Variants in AMHR2 observed in about 807,000 individuals in gnomAD.
The protein encoded by AMHR2 is anti-Muellerian hormone type-2 receptor.
A neutral mutation model predicts 61.4 loss-of-function variants in AMHR2; 36 were observed. The ratio of observed to expected loss-of-function variants is 0.59; its 90% CI spans 0.45 to 0.77. The LOEUF (loss-of-function observed/expected upper bound fraction) is 0.77, where lower values mean the gene tolerates loss of function less well. Ranked by LOEUF, AMHR2 falls within the 30% of genes least tolerant of loss-of-function variation. The pLI is 0.00. For synonymous variants in AMHR2, 258 were observed against 279.4 expected, an observed-to-expected ratio of 0.92 and a Z score of 0.76; for missense variants, 638 against 714.6, an observed-to-expected ratio of 0.89 and a Z score of 1.22.
chr12:53,427,350 T>C (rs983697087), intron 6 of AMHR2, among the ~76,000 whole-genome samples: 1 of 152,254 alleles, frequency 6.6e-6, no homozygotes, highest in Admixed American at 6.5e-5. Context: ...TAAGTTTTCA[T>C]ACCATTTCCC....
At chr12:53,428,855 C>T in intron 6 of AMHR2, 41 bp from the exon 7 acceptor site, 1 of 1,458,012 alleles carries the variant, frequency 6.9e-7, no homozygotes, top group Non-Finnish European at 9.4e-7. Flanking sequence ...TCAGCCGTCT[C>T]CAGCTTTGTG....
chr12:53,425,274 C>A, intron 4 of AMHR2, 32 bp downstream of exon 4: 1 of 1,611,806 alleles, frequency 6.2e-7, no homozygotes, highest in Non-Finnish European at 8.5e-7. Context: ...CCCTTGTGAC[C>A]CCAAGACATT....
At chr12:53,431,056 C>T in intron 10 of AMHR2, 121 bp from the exon 11 acceptor site, 1 of 1,276,820 alleles carries the variant, frequency 7.8e-7, no homozygotes, top group Non-Finnish European at 1.1e-6. Context: ...GAGGGAGGCT[C>T]CAGGAAAGAT....
intron 8 of AMHR2, 51 bp from the exon 9 acceptor site, chr12:53,429,780 A>G (rs757934652): frequency 1.2e-6 from 2 of 1,613,352 alleles, no homozygotes; most frequent in East Asian, 2.2e-5. Flanking sequence ...CATTGCTGCA[A>G]TGAGGATTGC....
chr12:53,425,737 G>A lies in AMHR2; in HGVS notation c.670G>A (p.Gly224Arg). ...AGTGGTTTGGGCCGGGCAGCTGCAAGGAAAACTGGTTGCCATCAAGGCCTT... is the reference window on the plus strand; with the variant it reads ...AGTGGTTTGGGCCGGGCAGCTGCAAAGAAAACTGGTTGCCATCAAGGCCTT... ...HAVVWAGQLQ[G>R]KLVAIKAFPP... is the part of the protein sequence containing the mutation. Residue 224 changes from glycine to arginine, a missense_variant, in exon 6 of 11, where the codon GGA becomes AGA. Coordinates refer to ENST00000257863, the MANE Select transcript of AMHR2 (RefSeq NM_020547.3). 1 of 1,614,200 alleles carries A rather than the reference G, an allele frequency of 6.2e-7. No individual in the cohort carries two copies. Among genetic ancestry groups the A allele is most frequent in the Non-Finnish European group, 8.5e-7 (1 of 1,180,024 alleles).
chr12:53,429,550 C>T lies in AMHR2; in HGVS notation c.1065C>T (p.Ala355=). ...GTGCCATTGGAGACCTGGGCCTTGCCTTGGTGCTCCCTGGCCTCACTCAGC... is the reference window on the plus strand; with the variant it reads ...GTGCCATTGGAGACCTGGGCCTTGCTTTGGTGCTCCCTGGCCTCACTCAGC... ...GSCAIGDLGL[A]LVLPGLTQPP... is the part of the protein sequence containing the mutation. The change falls in exon 8 of 11, where the codon GCC becomes GCT. Residue 355 remains alanine, a synonymous_variant. Transcript: ENST00000257863. 3 of 1,613,946 alleles carry T rather than the reference C, an allele frequency of 1.9e-6. No individual in the cohort carries two copies. Among genetic ancestry groups the T allele is most frequent in the Non-Finnish European group, 2.5e-6 (3 of 1,180,006 alleles).
intron 6 of AMHR2, among the ~76,000 whole-genome samples, 191 bp downstream of exon 6, chr12:53,426,110 C>T (rs1939558083): frequency 6.6e-6 from 1 of 152,106 alleles, no homozygotes; most frequent in Non-Finnish European, 1.5e-5. Flanking sequence ...GTGGGTGGAT[C>T]GCTTAAGCCC....
chr12:53,424,522 T>C, intron 2 of AMHR2, 52 bp downstream of exon 2: 2 of 1,592,912 alleles, frequency 1.3e-6, no homozygotes, highest in East Asian at 2.2e-5. Context: ...GACAGACACA[T>C]CCTGGGGTGT....
Position 53,423,859 on chromosome 12 carries a change from C to A in AMHR2, c.-76C>A. 6.5e-7 allele frequency: 1 copy of A among 1,530,812 alleles called. No individual in the cohort carries two copies. The highest frequency in any genetic ancestry group is 1.1e-5 in the South Asian group (1 of 88,530). The allele number at this position is 1,530,812 out of a possible 1,614,324, so 94.8% of individuals were successfully genotyped here. On this transcript the variant is annotated 5_prime_UTR_variant, in exon 1 of 11. The change creates a new upstream start codon in the 5' untranslated region. Coordinates refer to ENST00000257863, the MANE Select transcript of AMHR2 (RefSeq NM_020547.3). ...TCAGAAGCCCCAGGATGCCCTGTAT[C>A]TGAAGAAAGATTTGGCCAGGGGCAG... is the stretch of plus-strand genomic sequence containing the variant.
intron 5 of AMHR2, 46 bp from the exon 6 acceptor site, chr12:53,425,643 C>T (rs1219388971): frequency 6.2e-7 from 1 of 1,612,744 alleles, no homozygotes; most frequent in East Asian, 2.2e-5. Flanking sequence ...GAATCCTGGC[C>T]CTGTTATAGC....
chr12:53,430,534 G>A, intron 10 of AMHR2: 2 of 586,058 alleles, frequency 3.4e-6, no homozygotes, highest in Non-Finnish European at 6.1e-6. Flanking sequence ...TGCCCAGCCT[G>A]TCTCTCCTCT....
chr12:53,425,679 T>C lies in AMHR2; in HGVS notation c.622-10T>C, dbSNP rs767707614. ...TCAGAGGCCCACACTCAGCACAGTGTCCCCAGCAGGTAATCCGGGAAGGAG... is the reference window on the plus strand; with the variant it reads ...TCAGAGGCCCACACTCAGCACAGTGCCCCCAGCAGGTAATCCGGGAAGGAG... On this transcript the variant is annotated splice_polypyrimidine_tract_variant and intron_variant, in intron 5 of 10. Transcript: ENST00000257863. The C allele has an allele frequency of 6.2e-7, 1 of 1,613,926 alleles. No homozygotes were observed. Among genetic ancestry groups the C allele is most frequent in the Non-Finnish European group, 8.5e-7 (1 of 1,179,948 alleles).
In AMHR2 at chr12:53,431,664, C is replaced by T. The variant is rs898234954; in HGVS notation, c.*191C>T. On this transcript the variant is annotated 3_prime_UTR_variant, in exon 11 of 11. Coordinates refer to ENST00000257863, the MANE Select transcript of AMHR2 (RefSeq NM_020547.3). Reference sequence around the variant, plus strand: ...CAGGAAAGAGAATAAAGTCAGCTTTCCTGATGCATATCCTTGGTCCTTCCT... The same window carrying T: ...CAGGAAAGAGAATAAAGTCAGCTTTTCTGATGCATATCCTTGGTCCTTCCT... 4.4e-6 allele frequency: 3 copies of T among 686,080 alleles called. No homozygotes were observed. The allele number at this position is 686,080 out of a possible 1,614,324, so 42.5% of individuals were successfully genotyped here. A position where few individuals can be genotyped will look rare whatever the true frequency, so the allele number is the denominator to read the frequency against.
chr12:53,426,828 G>A (rs965826527), intron 6 of AMHR2, among the ~76,000 whole-genome samples: 6 of 151,628 alleles, frequency 4.0e-5, no homozygotes, highest in East Asian at 1.9e-4. Flanking sequence ...GATTACAGGC[G>A]CTTGCCACCA....
chr12:53,424,223 C>T (rs1939324390), intron 1 of AMHR2, 65 bp from the exon 2 acceptor site: 2 of 1,595,748 alleles, frequency 1.3e-6, no homozygotes, highest in Non-Finnish European at 8.6e-7. Flanking sequence ...ATTCTTTTGG[C>T]CAGTTTTTTG....
intron 6 of AMHR2, among the ~76,000 whole-genome samples, chr12:53,426,663 C>T (rs1380563690): frequency 6.6e-6 from 1 of 151,574 alleles, no homozygotes; most frequent in Admixed American, 6.6e-5. Context: ...ATTACATAAA[C>T]AATACATGTT....
chr12:53,427,682 C>T (rs1394620070), intron 6 of AMHR2, among the ~76,000 whole-genome samples: 2 of 152,172 alleles, frequency 1.3e-5, no homozygotes, highest in Non-Finnish European at 2.9e-5. Context: ...GAATTACAGG[C>T]GTGAGCCACC....
Position 53,424,483 on chromosome 12 carries a change from G to C in AMHR2, c.232+13G>C, listed in dbSNP as rs757030173. The C allele has an allele frequency of 6.2e-7, 1 of 1,611,158 alleles. No individual in the cohort carries two copies. The highest frequency in any genetic ancestry group is 1.1e-5 in the South Asian group (1 of 90,658). On this transcript the variant is annotated intron_variant, in intron 2 of 10. Coordinates refer to ENST00000257863, the MANE Select transcript of AMHR2 (RefSeq NM_020547.3). ...GTGGAAATGCAAGGTGAATGGCAAA[G>C]TATATGGCAGGTGATGGCTAGGGTG...
intron 6 of AMHR2, among the ~76,000 whole-genome samples, chr12:53,428,333 C>T (rs1939797593): frequency 6.6e-6 from 1 of 152,188 alleles, no homozygotes; most frequent in Non-Finnish European, 1.5e-5. Flanking sequence ...CCTCCACCTG[C>T]TACTCTGTTA....
Sources: gnomAD v4.1 joint callset for allele counts (sites outside exome capture counted in the v4.1 genomes callset) on GRCh38, gnomAD v4.1.1 for gene constraint, MANE v1.5 for transcripts, NCBI Gene and HGNC (gene_info 2026-07-23, HGNC 2026-07-21) for gene names.